Variants in NEK9 observed in about 807,000 individuals in gnomAD.
NEK9 encodes NIMA related kinase 9.
NEK9 carries 75 observed loss-of-function variants against 123.4 expected under a neutral mutation model. The observed-to-expected ratio is 0.61, with a 90% CI of 0.50 to 0.74. NEK9 has a LOEUF of 0.74. NEK9 is among the 30% of genes least tolerant of loss of function. The pLI is 0.00. For missense variants in NEK9, 952 were observed against 1,214.4 expected (o/e 0.78, Z 3.21); for synonymous variants, 438 against 458.7 (o/e 0.95, Z 0.58).
rs1422328837 is a variant in NEK9 at position 75,091,483 on chromosome 14, C to A, written c.2234-5G>T. On this transcript the variant is annotated splice_region_variant and splice_polypyrimidine_tract_variant and intron_variant, in intron 18 of 21. Transcript: ENST00000238616. ...CCGGGCTAGAGCTCTGAAACACTGA[C>A]AGATATACAGCACAGAAATAGACAG... The A allele has an allele frequency of 6.4e-7, 1 of 1,569,492 alleles. No homozygotes were observed.
chr14:75,094,939 T>A (rs1894332954), intron 18 of NEK9, among the ~76,000 whole-genome samples: 1 of 152,190 alleles, frequency 6.6e-6, no homozygotes, highest in Admixed American at 6.5e-5. Context: ...AAAGGAAATC[T>A]ATCAGAGATC....
chr14:75,084,244 A>C lies in NEK9; in HGVS notation c.*320T>G, dbSNP rs879105268. The stretch of plus-strand genomic sequence containing the variant: ...TGGGATATAAGCTGCTACCAGCGCA[A>C]TTAAGGTGAGCACTGTGTCTCCTCT... On this transcript the variant is annotated 3_prime_UTR_variant, in exon 22 of 22. Transcript: ENST00000238616. The C allele has an allele frequency of 3.8e-6, 1 of 260,630 alleles. No homozygotes were observed. Among genetic ancestry groups the C allele is most frequent in the Non-Finnish European group, 7.6e-6 (1 of 131,774 alleles). 16.1% of individuals were successfully genotyped at this position (260,630 alleles called of 1,614,324 possible).
chr14:75,105,960 G>A lies in NEK9; in HGVS notation c.1565C>T (p.Thr522Ile), dbSNP rs1322416751. The A allele has an allele frequency of 5.0e-6, 8 of 1,613,230 alleles. No homozygotes were observed. The highest frequency in any genetic ancestry group is 2.2e-5 in the South Asian group (2 of 91,074). ...TGCTTCTGATTTTACCTTTTGTGGT[G>A]TATAATAATCCTCTTCTGAATCCAA... The part of the protein sequence containing the change: ...LGLDSEEDYY[T>I]PQKVDVPKAL... The change falls in exon 13 of 22, where the codon ACA becomes ATA. Residue 522 changes from threonine (T) to isoleucine (I), a missense_variant. Physicochemically the swap from Thr to Ile is moderately conservative, Grantham distance 89. This residue lies in a region of NEK9 where 698 missense variants were observed against 875.6 expected (regional missense o/e 0.80). Coordinates refer to ENST00000238616, the MANE Select transcript of NEK9 (RefSeq NM_033116.6).
chr14:75,126,424 G>A (rs933087700), intron 1 of NEK9, among the ~76,000 whole-genome samples: 1 of 152,098 alleles, frequency 6.6e-6, no homozygotes, highest in Non-Finnish European at 1.5e-5. Context: ...AGAAAAAGAT[G>A]ATTTCAAGGT....
Position 75,121,164 on chromosome 14 carries a change from C to G in NEK9, c.408G>C (p.Leu136=). 6.2e-7 allele frequency: 1 copy of G among 1,613,382 alleles called. No individual in the cohort carries two copies. Among genetic ancestry groups the G allele is most frequent in the Non-Finnish European group, 8.5e-7 (1 of 1,179,342 alleles). The change falls in exon 3 of 22, where the codon CTG becomes CTC. Residue 136 remains leucine (L), a synonymous_variant. Coordinates refer to ENST00000238616, the MANE Select transcript of NEK9 (RefSeq NM_033116.6). ...IELEYCNGGN[L]YDKILRQKDK... ...CCTTCTGACGAAGGATTTTGTCATA[C>G]AGGTTCCCTCCTGCAATTAAACAAG... is the stretch of plus-strand genomic sequence containing the variant.
At chr14:75,120,650 A>G in intron 3 of NEK9, 70 bp from the exon 4 acceptor site, 1 of 1,065,972 alleles carries the variant, frequency 9.4e-7, no homozygotes, top group South Asian at 1.4e-5. Context: ...CACACACATA[A>G]ACAAACAAAA....
Position 75,088,477 on chromosome 14 carries a change from T to C in NEK9, c.2604+3A>G. 6.2e-7 allele frequency: 1 copy of C among 1,612,952 alleles called. No homozygotes were observed. Among genetic ancestry groups the C allele is most frequent in the Non-Finnish European group, 8.5e-7 (1 of 1,179,464 alleles). ...GTGATTCAAAGGCAAAAAGCTCAGT[T>C]ACCGAGGCTTCTACTTGGGGTTTGT... On this transcript the variant is annotated splice_donor_region_variant and intron_variant, in intron 20 of 21. Transcript: ENST00000238616.
intron 19 of NEK9, 140 bp downstream of exon 19, chr14:75,091,130 C>T: frequency 1.6e-6 from 1 of 606,948 alleles, no homozygotes; most frequent in Non-Finnish European, 2.7e-6. Context: ...AATTTCTTTC[C>T]AGGTAGAAAT....
At chr14:75,122,348 C>A (rs1188830645) in intron 2 of NEK9, among the ~76,000 whole-genome samples, 1 of 152,120 alleles carries the variant, frequency 6.6e-6, no homozygotes, top group African/African-American at 2.4e-5. Flanking sequence ...TCGTAAGTGA[C>A]GAATATGCTG....
At chr14:75,109,970 A>G in intron 9 of NEK9, 93 bp from the exon 10 acceptor site, 2 of 1,216,738 alleles carry the variant, frequency 1.6e-6, no homozygotes, top group Non-Finnish European at 2.3e-6. Flanking sequence ...AGAACTGCCA[A>G]TTATGGTATG....
chr14:75,100,825 T>C (rs1894550712), intron 16 of NEK9, among the ~76,000 whole-genome samples, 167 bp downstream of exon 16: 1 of 152,160 alleles, frequency 6.6e-6, no homozygotes, highest in South Asian at 2.1e-4. Flanking sequence ...GTTGAACACA[T>C]GAAAAGTTAA....
At position 75,101,693 on chromosome 14, in the gene NEK9, T is replaced by TG; in HGVS notation, c.1803dup (p.Ile602HisfsTer12). Reference sequence around the variant, plus strand: ...GCTGTGTGAGTCTTGCCTGGGGCAATGGTACGGATCTTATAAAAGGACAAC... The same window carrying TG: ...GCTGTGTGAGTCTTGCCTGGGGCAATGGGTACGGATCTTATAAAAGGACAAC... On this transcript the variant is annotated frameshift_variant, in exon 15 of 22. Transcript: ENST00000238616. LOFTEE classifies it high-confidence loss of function. 1 of 1,613,768 alleles carries TG rather than the reference T, an allele frequency of 6.2e-7. No individual in the cohort carries two copies. The highest frequency in any genetic ancestry group is 8.5e-7 in the Non-Finnish European group (1 of 1,179,708).
Position 75,101,047 on chromosome 14 carries a change from C to G in NEK9, c.1947G>C (p.Gly649=). 6.2e-6 allele frequency: 10 copies of G among 1,614,228 alleles called. No homozygotes were observed. Among genetic ancestry groups the G allele is most frequent in the Non-Finnish European group, 8.5e-6 (10 of 1,180,034 alleles). The change falls in exon 16 of 22, where the codon GGG becomes GGC. Residue 649 remains glycine (G), a synonymous_variant. Coordinates refer to ENST00000238616, the MANE Select transcript of NEK9 (RefSeq NM_033116.6). ...CGCAGGAGACCCTGATCACTTGCTT[C>G]CCACCAAGGGGTCCCCCCAACAGGT... ...GINLLGGPLG[G]KQVIRVSCGD...
At chr14:75,102,334 GTTTT>G (rs544667418) in intron 14 of NEK9, among the ~76,000 whole-genome samples, 1 of 151,756 alleles carries the variant, frequency 6.6e-6, no homozygotes, top group Non-Finnish European at 1.5e-5. Flanking sequence ...TCTGAATATT[GTTTT>G]TTTTGTTTTT....
Position 75,126,733 on chromosome 14 carries a change from G to T in NEK9, c.189C>A (p.Phe63Leu). The T allele has an allele frequency of 6.7e-7, 1 of 1,486,102 alleles. No homozygotes were observed. The allele number at this position is 1,486,102 out of a possible 1,614,324, so 92.1% of individuals were successfully genotyped here. ...TGCGGCGGTACAGCGTGGCTTCCCC[G>T]AAGGCGCCGCGGCCCAGGACGCGGA... ...IPIRVLGRGA[F>L]GEATLYRRTE... The change falls in exon 1 of 22, where the codon TTC becomes TTA. Residue 63 changes from phenylalanine to leucine, a missense_variant. Phe to Leu is a conservative substitution (Grantham distance 22, BLOSUM62 0). Around this residue, in one of 4 missense-constraint regions of NEK9, gnomAD observed 120 missense variants for 97.6 expected, o/e 1.23. Transcript: ENST00000238616.
At position 75,114,215 on chromosome 14, in the gene NEK9, C is replaced by T. The variant is rs143703209; in HGVS notation, c.861G>A (p.Ser287=). 7.0e-5 allele frequency: 113 copies of T among 1,612,724 alleles called. 1 individual carries two copies. The Middle Eastern group carries it at 8.3e-4, about 12-fold the overall frequency. The part of the protein sequence containing the change: ...YSLELIQMVH[S]CLDQDPEQRP... ...AAGTCACACCTACCTGGTCAAGGCA[C>T]GAATGAACCATTTGGATCAATTCCA... The change falls in exon 7 of 22, where the codon TCG becomes TCA. Residue 287 remains serine, a synonymous_variant. Transcript: ENST00000238616.
At chr14:75,116,506 G>T in intron 6 of NEK9, 1 of 358,420 alleles carries the variant, frequency 2.8e-6, no homozygotes, top group South Asian at 2.7e-5. Flanking sequence ...TTCTAGGAAA[G>T]TGATGCAGTA....
chr14:75,088,020 C>T (rs929000573), intron 20 of NEK9, among the ~76,000 whole-genome samples: 1 of 152,156 alleles, frequency 6.6e-6, no homozygotes, highest in Admixed American at 6.5e-5. Flanking sequence ...TAGGAAAAGT[C>T]TAAAATAATT....
Position 75,106,327 on chromosome 14 carries a change from C to G in NEK9, c.1528+175G>C, listed in dbSNP as rs910543210. On this transcript the variant is annotated intron_variant, in intron 12 of 21. Transcript: ENST00000238616. ...TGAGCCCAGATCATGCCATTGCACTCCAGCCTGGGTGACAGAGAGAGACTC... is the reference window on the plus strand; with the variant it reads ...TGAGCCCAGATCATGCCATTGCACTGCAGCCTGGGTGACAGAGAGAGACTC... The G allele has an allele frequency of 4.0e-5, 26 of 642,160 alleles. No homozygotes were observed. The African/African-American group carries it at 4.7e-4, about 12-fold the overall frequency. The allele number at this position is 642,160 out of a possible 1,614,324, so 39.8% of individuals were successfully genotyped here. A position where few individuals can be genotyped will look rare whatever the true frequency, so the allele number is the denominator to read the frequency against.
Sources: allele counts gnomAD v4.1 joint callset (sites outside exome capture counted in the v4.1 genomes callset), GRCh38; gene constraint gnomAD v4.1.1; regional missense constraint gnomAD v4.1.1; transcripts MANE v1.5; gene names NCBI Gene and HGNC (gene_info 2026-07-23, HGNC 2026-07-21).